Variants in SRBD1 observed in about 807,000 individuals in gnomAD.
SRBD1 encodes S1 RNA binding domain 1.
Under a neutral mutation model 115.3 loss-of-function variants are expected in SRBD1, and 88 were observed. The ratio of observed to expected loss-of-function variants is 0.76; its 90% confidence interval spans 0.64 to 0.91. The LOEUF is 0.91. Ranked by LOEUF, SRBD1 falls within the 40% of genes least tolerant of loss-of-function variation. The pLI is 0.00. For synonymous variants in SRBD1, 509 were observed against 407.7 expected (o/e 1.25, Z -2.99); for missense variants, 1,385 against 1,177.4 (o/e 1.18, Z -2.58).
At chr2:45,610,508 C>G (rs1401411824) in intron 1 of SRBD1, among the ~76,000 whole-genome samples, 3 of 152,190 alleles carry the variant, frequency 2.0e-5, no homozygotes, top group Non-Finnish European at 4.4e-5. Context: ...AGATATGTGG[C>G]AAAGGACTAT....
intron 4 of SRBD1, among the ~76,000 whole-genome samples, chr2:45,593,511 T>A (rs1673789725): frequency 6.6e-6 from 1 of 152,184 alleles, no homozygotes; most frequent in South Asian, 2.1e-4. Context: ...AAAATGCTTT[T>A]TCCCAAAGTG....
At chr2:45,542,374 G>A (rs1206749025) in intron 14 of SRBD1, among the ~76,000 whole-genome samples, 1 of 152,222 alleles carries the variant, frequency 6.6e-6, no homozygotes, top group African/African-American at 2.4e-5. Context: ...GCCCCTGAGA[G>A]TGCAGGGATG....
At chr2:45,578,750 G>A (rs1431741145) in intron 7 of SRBD1, among the ~76,000 whole-genome samples, 1 of 152,112 alleles carries the variant, frequency 6.6e-6, no homozygotes, top group Non-Finnish European at 1.5e-5. Context: ...TAGCTACATA[G>A]GCTGAAAAAG....
chr2:45,548,524 A>AT (rs1183801786), intron 12 of SRBD1, among the ~76,000 whole-genome samples: 2 of 152,116 alleles, frequency 1.3e-5, no homozygotes, highest in Non-Finnish European at 2.9e-5. Context: ...TGTTTGTGAC[A>AT]TTTTTAGAAC....
intron 12 of SRBD1, 53 bp downstream of exon 12, chr2:45,551,072 A>C: frequency 1.9e-6 from 3 of 1,544,822 alleles, no homozygotes; most frequent in South Asian, 1.2e-5. Flanking sequence ...GTATGAAGTG[A>C]AACTTATAAC....
At chr2:45,603,749 C>T (rs1053740386) in intron 2 of SRBD1, among the ~76,000 whole-genome samples, 3 of 152,062 alleles carry the variant, frequency 2.0e-5, no homozygotes, top group Admixed American at 6.5e-5. Flanking sequence ...GGCTAGACTC[C>T]GGACTCCTGG....
At chr2:45,563,452 A>G (rs1352802572) in intron 9 of SRBD1, among the ~76,000 whole-genome samples, 1 of 152,000 alleles carries the variant, frequency 6.6e-6, no homozygotes, top group Non-Finnish European at 1.5e-5. Flanking sequence ...AGAAGAAAAT[A>G]ATAAATAATA....
Position 45,553,735 on chromosome 2 carries a change from A to G in SRBD1, c.1410-5T>C. ...GCAAAGCTACGTGGTCTCCACCTGC[A>G]AAACAGAAAAGCCCACACTAAAACT... On this transcript the variant is annotated splice_polypyrimidine_tract_variant and splice_region_variant and intron_variant, in intron 10 of 20. Transcript: ENST00000263736. 1 of 1,559,150 alleles carries G rather than the reference A, an allele frequency of 6.4e-7. No homozygotes were observed. The highest frequency in any genetic ancestry group is 1.2e-5 in the South Asian group (1 of 82,062).
rs537169498 is a variant in SRBD1, at chr2:45,581,308, T to C, written c.933+385A>G. 1.1e-3 allele frequency among the ~76,000 whole-genome samples: 165 copies of C among 152,266 alleles called. 1 individual carries two copies. Among genetic ancestry groups the C allele is most frequent in the Admixed American group, 2.0e-3 (30 of 15,290 alleles). ...AAAGGTGGTAACCTCCAGTGGTCAA[T>C]CCTGACCTGCTAACAAACACTTCTT... On this transcript the variant is annotated intron_variant, in intron 6 of 20. Transcript: ENST00000263736.
chr2:45,545,806 A>C (rs1006606512), intron 14 of SRBD1, among the ~76,000 whole-genome samples: 2 of 152,142 alleles, frequency 1.3e-5, no homozygotes, highest in Non-Finnish European at 1.5e-5. Context: ...TGTTTTTCTG[A>C]CTGACTCTGA....
At chr2:45,536,295 T>G (rs2103996520) in intron 14 of SRBD1, among the ~76,000 whole-genome samples, 1 of 152,022 alleles carries the variant, frequency 6.6e-6, no homozygotes, top group South Asian at 2.1e-4. Context: ...ATGACATAAT[T>G]CATACAAGAA....
chr2:45,434,069 T>TA (rs1398707289), intron 16 of SRBD1, among the ~76,000 whole-genome samples: 1 of 152,180 alleles, frequency 6.6e-6, no homozygotes, highest in East Asian at 1.9e-4. Flanking sequence ...CCTCCTCTGA[T>TA]AAAGCATATG....
At chr2:45,555,728 G>A (rs1157298099) in intron 10 of SRBD1, among the ~76,000 whole-genome samples, 4 of 151,986 alleles carry the variant, frequency 2.6e-5, no homozygotes, top group African/African-American at 7.3e-5. Flanking sequence ...TCCTGACCTC[G>A]TGATCTGCCC....
rs115180049 is a variant in SRBD1 at position 45,487,195 on chromosome 2, C to T, written c.1966+1045G>A. On this transcript the variant is annotated intron_variant, in intron 15 of 20. Coordinates refer to ENST00000263736, the MANE Select transcript of SRBD1 (RefSeq NM_018079.5). The stretch of plus-strand genomic sequence containing the variant: ...TCCAGGTATAGATTTCAAGAACAGC[C>T]GATGAAATCTGATGAGAATATTTAA... 3.3e-3 allele frequency among the ~76,000 whole-genome samples: 498 copies of T among 152,040 alleles called. 1 individual carries two copies. Among genetic ancestry groups the T allele is most frequent in the African/African-American group, 0.012 (480 of 41,450 alleles).
intron 15 of SRBD1, among the ~76,000 whole-genome samples, chr2:45,481,780 AAAAG>A (rs1471393035): frequency 6.6e-6 from 1 of 152,202 alleles, no homozygotes; most frequent in Non-Finnish European, 1.5e-5. Flanking sequence ...TTTGCCAATA[AAAAG>A]AAATGAAGTG....
In SRBD1 at chr2:45,438,212, C is replaced by A. The variant is rs1668559705; in HGVS notation, c.2050-18318G>T. On this transcript the variant is annotated intron_variant, in intron 16 of 20. Transcript: ENST00000263736. ...GAAAAAAATCCCTATATGATTCATT[C>A]TGATCTGATAGTCTGATCTGAGAGT... Among the ~76,000 whole-genome samples, 5 of 152,248 alleles carry A rather than the reference C, an allele frequency of 3.3e-5. No homozygotes were observed. In the South Asian group the frequency reaches 1.0e-3, roughly 32 times the overall value.
At chr2:45,505,850 T>TC (rs2103908151) in intron 14 of SRBD1, among the ~76,000 whole-genome samples, 1 of 152,356 alleles carries the variant, frequency 6.6e-6, no homozygotes, top group South Asian at 2.1e-4. Flanking sequence ...TCTGGACTGT[T>TC]AGGTCAGACT....
intron 14 of SRBD1, among the ~76,000 whole-genome samples, chr2:45,534,363 A>C (rs1671700931): frequency 6.6e-6 from 1 of 152,002 alleles, no homozygotes; most frequent in Non-Finnish European, 1.5e-5. Context: ...GAAAGGAAAC[A>C]CTATAAACAA....
intron 16 of SRBD1, among the ~76,000 whole-genome samples, chr2:45,431,714 C>A (rs865989610): frequency 2.0e-5 from 3 of 151,956 alleles, no homozygotes; most frequent in Non-Finnish European, 4.4e-5. Context: ...CACTATGGCA[C>A]GTGTATACCT....
Sources: gnomAD v4.1 joint callset for allele counts (sites outside exome capture counted in the v4.1 genomes callset) on GRCh38, gnomAD v4.1.1 for gene constraint, MANE v1.5 for transcripts, NCBI Gene and HGNC (gene_info 2026-07-23, HGNC 2026-07-21) for gene names.